Variants in CWC27 observed in about 807,000 individuals in gnomAD.
CWC27 encodes spliceosome-associated protein CWC27 homolog.
CWC27 carries 47 observed loss-of-function variants against 63.6 expected under a neutral mutation model. That is an observed-to-expected ratio of 0.74 (90% CI 0.58 to 0.94). The LOEUF is 0.94. CWC27 is among the 40% of genes least tolerant of loss of function. The pLI is 0.00. For missense variants in CWC27, 495 were observed against 554.3 expected (o/e 0.89, Z 1.07); for synonymous variants, 175 against 179.8 (o/e 0.97, Z 0.22).
chr5:64,828,590 A>G (rs1016000840), intron 10 of CWC27, among the ~76,000 whole-genome samples: 7 of 151,938 alleles, frequency 4.6e-5, no homozygotes, highest in African/African-American at 1.7e-4. Context: ...GGCCTCTTTT[A>G]TAAGTAGGAT....
chr5:64,832,919 A>G (rs939497401), intron 10 of CWC27, among the ~76,000 whole-genome samples: 11 of 151,826 alleles, frequency 7.2e-5, no homozygotes, highest in African/African-American at 2.4e-4. Context: ...AACTGCTTAT[A>G]TAGTGGCTTA....
chr5:64,923,131 G>C (rs555864636), intron 11 of CWC27, among the ~76,000 whole-genome samples: 2 of 152,304 alleles, frequency 1.3e-5, no homozygotes, highest in Non-Finnish European at 2.9e-5. Context: ...GGCAGTGGCA[G>C]GTCAGAGGTG....
At chr5:64,961,166 A>G (rs1263829968) in intron 11 of CWC27, among the ~76,000 whole-genome samples, 5 of 152,224 alleles carry the variant, frequency 3.3e-5, no homozygotes, top group Non-Finnish European at 7.3e-5. Context: ...GCAGGAACAA[A>G]TGTGCAGTAC....
intron 11 of CWC27, among the ~76,000 whole-genome samples, chr5:64,912,799 G>A (rs1489782805): frequency 2.0e-5 from 3 of 152,090 alleles, no homozygotes; most frequent in African/African-American, 7.2e-5. Flanking sequence ...AGAAGAAATA[G>A]GATTCTGAAT....
chr5:64,841,175 C>T (rs375770377), intron 10 of CWC27, among the ~76,000 whole-genome samples: 27 of 152,250 alleles, frequency 1.8e-4, no homozygotes, highest in East Asian at 1.2e-3. Context: ...TGGCATCTGA[C>T]GAGAGCCTTT....
At chr5:64,972,661 T>A (rs1382642375) in intron 12 of CWC27, 2 of 454,366 alleles carry the variant, frequency 4.4e-6, no homozygotes, top group Admixed American at 4.7e-5. Flanking sequence ...AAAAGTACAT[T>A]ATTAACTTGT....
chr5:65,004,385 T>TTTC (rs1474858752), intron 13 of CWC27, among the ~76,000 whole-genome samples: 1 of 126,432 alleles, frequency 7.9e-6, no homozygotes, highest in African/African-American at 3.3e-5. Context: ...AGGCTTTTTT[T>TTTC]TTTTTTTTTT....
chr5:64,968,381 G>A (rs2112439580), intron 11 of CWC27, among the ~76,000 whole-genome samples: 1 of 152,078 alleles, frequency 6.6e-6, no homozygotes, highest in East Asian at 1.9e-4. Context: ...CCCACTCCTA[G>A]GTATTTACCC....
chr5:64,956,623 G>A (rs1748806533), intron 11 of CWC27, among the ~76,000 whole-genome samples: 2 of 152,076 alleles, frequency 1.3e-5, no homozygotes, highest in Admixed American at 6.6e-5. Context: ...AATAGTGTAT[G>A]TCTTACCCTT....
intron 10 of CWC27, among the ~76,000 whole-genome samples, chr5:64,838,482 G>C (rs892896114): frequency 9.9e-5 from 15 of 152,116 alleles, no homozygotes; most frequent in African/African-American, 3.6e-4. Flanking sequence ...TTCTATAAGA[G>C]CTAACAATCT....
chr5:65,014,145 T>A (rs1463605805), intron 13 of CWC27, among the ~76,000 whole-genome samples: 1 of 149,878 alleles, frequency 6.7e-6, no homozygotes, highest in Non-Finnish European at 1.5e-5. Flanking sequence ...AAAACCACTT[T>A]CCTGTCAAAC....
chr5:64,981,394 T>C (rs1271035253), intron 13 of CWC27, among the ~76,000 whole-genome samples: 2 of 152,206 alleles, frequency 1.3e-5, no homozygotes, highest in Admixed American at 6.5e-5. Flanking sequence ...CTTTTCCTTA[T>C]CATGTATAAT....
intron 13 of CWC27, 137 bp from the exon 14 acceptor site, chr5:65,018,022 G>A (rs1411395900): frequency 1.4e-6 from 1 of 716,780 alleles, no homozygotes; most frequent in Non-Finnish European, 2.2e-6. Context: ...TCCATGTGGT[G>A]TAAGCACCAG....
chr5:64,905,378 C>G (rs1747610813), intron 11 of CWC27, among the ~76,000 whole-genome samples: 1 of 152,030 alleles, frequency 6.6e-6, no homozygotes, highest in Non-Finnish European at 1.5e-5. Context: ...GGCTTCTGGT[C>G]CATGCAGGGC....
intron 2 of CWC27, among the ~76,000 whole-genome samples, chr5:64,776,284 T>G (rs1743452509): frequency 6.6e-6 from 1 of 151,998 alleles, no homozygotes; most frequent in Admixed American, 6.6e-5. Flanking sequence ...TGGTAAGAAG[T>G]TTTGAAGATT....
At chr5:64,897,344 G>A (rs557637208) in intron 11 of CWC27, among the ~76,000 whole-genome samples, 216 of 152,266 alleles carry the variant, frequency 1.4e-3, no homozygotes, top group Admixed American at 4.8e-3. Flanking sequence ...CCAAATGTCC[G>A]TCAATGATAG....
chr5:64,875,114 T>G (rs1746765882), intron 10 of CWC27, among the ~76,000 whole-genome samples: 1 of 152,098 alleles, frequency 6.6e-6, no homozygotes, highest in South Asian at 2.1e-4. Flanking sequence ...CTTTATGATT[T>G]TGTTTAAGAT....
chr5:64,871,938 C>T (rs1249958270), intron 10 of CWC27, among the ~76,000 whole-genome samples: 2 of 152,168 alleles, frequency 1.3e-5, no homozygotes, highest in East Asian at 3.9e-4. Flanking sequence ...GAAACTTCAA[C>T]CCATGCAGTG....
intron 11 of CWC27, among the ~76,000 whole-genome samples, chr5:64,942,328 G>T (rs1296230394): frequency 6.6e-6 from 1 of 151,432 alleles, no homozygotes; most frequent in African/African-American, 2.4e-5. Context: ...TACTCAGGAG[G>T]CTGAGGTGAG....
Sources: allele counts gnomAD v4.1 joint callset (sites outside exome capture counted in the v4.1 genomes callset), GRCh38; gene constraint gnomAD v4.1.1; transcripts MANE v1.5; gene names NCBI Gene and HGNC (gene_info 2026-07-23, HGNC 2026-07-21).